The following ERC2 variants were observed in gnomAD, a reference collection of about 807,000 sequenced individuals.
ERC2 encodes ERC protein 2.
Under a neutral mutation model 114.8 loss-of-function variants are expected in ERC2, and 42 were observed. The ratio of observed to expected loss-of-function variants is 0.37; its 90% CI spans 0.29 to 0.47. ERC2 has a LOEUF of 0.47. Ranked by LOEUF, ERC2 falls within the 20% of genes least tolerant of loss-of-function variation. ERC2 has a pLI of 0.99. For synonymous variants in ERC2, 454 were observed against 425.5 expected (o/e 1.07, Z -0.82); for missense variants, 939 against 1,150.7 (o/e 0.82, Z 2.66).
At chr3:55,999,916 T>C (rs1299347903) in intron 10 of ERC2, among the ~76,000 whole-genome samples, 1 of 151,648 alleles carries the variant, frequency 6.6e-6, no homozygotes, top group Non-Finnish European at 1.5e-5. Context: ...GCTAAAGACT[T>C]AAGACAAAAT....
intron 2 of ERC2, among the ~76,000 whole-genome samples, chr3:56,329,876 CTA>C (rs1431069727): frequency 2.8e-5 from 4 of 145,318 alleles, no homozygotes; most frequent in Admixed American, 6.8e-5. Context: ...TATATTTCCA[CTA>C]TATATATTTC....
intron 17 of ERC2, among the ~76,000 whole-genome samples, chr3:55,539,251 C>T (rs902420165): frequency 1.3e-5 from 2 of 152,032 alleles, no homozygotes; most frequent in Non-Finnish European, 2.9e-5. Flanking sequence ...ATCATCTGCC[C>T]CATGTTCATC....
chr3:56,142,950 T>A (rs1342147366), intron 5 of ERC2, among the ~76,000 whole-genome samples: 2 of 152,198 alleles, frequency 1.3e-5, no homozygotes, highest in Non-Finnish European at 1.5e-5. Context: ...GTAGCTGCTT[T>A]AAGCTACATT....
intron 13 of ERC2, among the ~76,000 whole-genome samples, chr3:55,895,947 G>C (rs1390243431): frequency 2.0e-5 from 3 of 152,168 alleles, no homozygotes; most frequent in African/African-American, 7.2e-5. Flanking sequence ...AAGGATGGAG[G>C]CCCTATGTTC....
At chr3:55,599,413 T>TA in intron 17 of ERC2, among the ~76,000 whole-genome samples, 1 of 152,338 alleles carries the variant, frequency 6.6e-6, no homozygotes, top group Non-Finnish European at 1.5e-5. Context: ...TTAAATTAAG[T>TA]AATGTTTTTA....
chr3:56,423,829 A>G (rs1397896352), intron 2 of ERC2, among the ~76,000 whole-genome samples: 1 of 152,182 alleles, frequency 6.6e-6, no homozygotes, highest in Admixed American at 6.5e-5. Context: ...TGACCTTTAC[A>G]ACAGCTTTAT....
At chr3:55,994,647 T>C (rs369513077) in intron 10 of ERC2, among the ~76,000 whole-genome samples, 2 of 61,396 alleles carry the variant, frequency 3.3e-5, no homozygotes, top group Non-Finnish European at 2.7e-5. Flanking sequence ...ACATACTCCC[T>C]AAAAAAAAAA....
chr3:56,186,179 G>A (rs961135968), intron 3 of ERC2, among the ~76,000 whole-genome samples: 1 of 141,516 alleles, frequency 7.1e-6, no homozygotes, highest in Admixed American at 7.4e-5. Flanking sequence ...TTTTGACCTT[G>A]TAGAACTTGA....
chr3:56,437,872 G>A (rs1053454492), intron 1 of ERC2, among the ~76,000 whole-genome samples: 3 of 152,126 alleles, frequency 2.0e-5, no homozygotes, highest in African/African-American at 7.2e-5. Flanking sequence ...GGCAGGGGGA[G>A]CAGACGACAA....
intron 17 of ERC2, among the ~76,000 whole-genome samples, chr3:55,663,971 T>C (rs2061248999): frequency 6.6e-6 from 1 of 152,236 alleles, no homozygotes; most frequent in South Asian, 2.1e-4. Flanking sequence ...TTGTAAATTG[T>C]ACCAGATGCT....
At chr3:55,523,342 C>G (rs2053089484) in intron 17 of ERC2, among the ~76,000 whole-genome samples, 1 of 152,222 alleles carries the variant, frequency 6.6e-6, no homozygotes, top group African/African-American at 2.4e-5. Flanking sequence ...GGGTGCCAAT[C>G]CATGAACAGA....
chr3:55,573,662 T>TCAG (rs1371073689), intron 17 of ERC2, among the ~76,000 whole-genome samples: 4 of 152,092 alleles, frequency 2.6e-5, no homozygotes, highest in African/African-American at 9.7e-5. Flanking sequence ...TCCTTAGTCC[T>TCAG]CTGCTTGCCA....
At chr3:56,129,557 T>A (rs2080081621) in intron 6 of ERC2, among the ~76,000 whole-genome samples, 1 of 152,200 alleles carries the variant, frequency 6.6e-6, no homozygotes, top group Admixed American at 6.5e-5. Flanking sequence ...CTTTTTAAAG[T>A]GGCCAGTCAG....
intron 14 of ERC2, among the ~76,000 whole-genome samples, chr3:55,842,180 A>G (rs2149217576): frequency 6.6e-6 from 1 of 152,342 alleles, no homozygotes; most frequent in Non-Finnish European, 1.5e-5. Flanking sequence ...ACAGTGAGTT[A>G]GTAGTGGTGA....
intron 13 of ERC2, among the ~76,000 whole-genome samples, chr3:55,930,635 T>A (rs796420137): frequency 6.6e-6 from 1 of 152,126 alleles, no homozygotes; most frequent in Non-Finnish European, 1.5e-5. Flanking sequence ...ACGTAAGATC[T>A]AAAACCATAA....
intron 17 of ERC2, among the ~76,000 whole-genome samples, chr3:55,682,394 A>G (rs1238411524): frequency 1.3e-5 from 2 of 152,208 alleles, no homozygotes; most frequent in Admixed American, 6.5e-5. Flanking sequence ...TTTTACTGGC[A>G]GCAAATGGAT....
At chr3:56,105,223 C>G (rs2078588877) in intron 6 of ERC2, among the ~76,000 whole-genome samples, 1 of 152,100 alleles carries the variant, frequency 6.6e-6, no homozygotes, top group Non-Finnish European at 1.5e-5. Flanking sequence ...GGGGTAAGGA[C>G]AGGGATGAAG....
At chr3:56,314,754 C>G (rs2150405672) in intron 2 of ERC2, among the ~76,000 whole-genome samples, 1 of 152,234 alleles carries the variant, frequency 6.6e-6, no homozygotes, top group Middle Eastern at 3.4e-3. Flanking sequence ...CAAAGATAAT[C>G]TTTGTTTCTT....
At chr3:55,647,475 G>C (rs1559795464) in intron 17 of ERC2, among the ~76,000 whole-genome samples, 3 of 152,066 alleles carry the variant, frequency 2.0e-5, no homozygotes, top group African/African-American at 4.8e-5. Context: ...GATTATCAAA[G>C]GATAAGAAAG....
Sources: gnomAD v4.1 joint callset for allele counts (sites outside exome capture counted in the v4.1 genomes callset) on GRCh38, gnomAD v4.1.1 for gene constraint, MANE v1.5 for transcripts, NCBI Gene and HGNC (gene_info 2026-07-23, HGNC 2026-07-21) for gene names.